Variants in L3MBTL4 observed in about 807,000 individuals in gnomAD.
L3MBTL4 encodes lethal(3)malignant brain tumor-like protein 4.
L3MBTL4 carries 70 observed loss-of-function variants against 84.5 expected under a neutral mutation model. That is an observed-to-expected ratio of 0.83 (90% CI 0.68 to 1.01). The LOEUF is 1.01. Ranked by LOEUF, L3MBTL4 falls within the 50% of genes least tolerant of loss-of-function variation. L3MBTL4 has a pLI of 0.00. For synonymous variants in L3MBTL4, 274 were observed against 259.8 expected (o/e 1.05, Z -0.52); for missense variants, 715 against 754.8 (o/e 0.95, Z 0.62).
chr18:6,130,823 C>T (rs558657731), intron 14 of L3MBTL4, among the ~76,000 whole-genome samples: 1 of 150,766 alleles, frequency 6.6e-6, no homozygotes, highest in South Asian at 2.1e-4. Flanking sequence ...TATGTAAATT[C>T]ATGCAAATAA....
chr18:5,972,535 G>C (rs1410656327), intron 16 of L3MBTL4, among the ~76,000 whole-genome samples: 1 of 152,182 alleles, frequency 6.6e-6, no homozygotes, highest in Non-Finnish European at 1.5e-5. Flanking sequence ...AACCTCTTGA[G>C]GTCAGGATTG....
chr18:6,213,984 A>T (rs588046), intron 11 of L3MBTL4, among the ~76,000 whole-genome samples: 1,668 of 152,336 alleles, frequency 0.011, 10 homozygotes, highest in Non-Finnish European at 0.018. Flanking sequence ...TTCAAACTGT[A>T]TGGCACAGAA....
At chr18:6,397,737 C>T (rs771528460) in intron 1 of L3MBTL4, 4 of 152,168 alleles carry the variant, frequency 2.6e-5, no homozygotes, top group Non-Finnish European at 2.9e-5. Flanking sequence ...GCACCTACAG[C>T]TCTAGCTACT....
At position 5,958,130 on chromosome 18, in the gene L3MBTL4, A is replaced by AAGAAGAAAAAG. The variant is rs1555616536; in HGVS notation, c.1678-1744_1678-1743insCTTTTTCTTCT. Among the ~76,000 whole-genome samples the AAGAAGAAAAAG allele has an allele frequency of 8.2e-4, 26 of 31,844 alleles. 1 individual carries two copies. The highest frequency in any genetic ancestry group is 0.027 in the Middle Eastern group (2 of 74). 20.9% of individuals were successfully genotyped at this position (31,844 alleles called of 152,430 possible). A position where few individuals can be genotyped will look rare whatever the true frequency, so the allele number is the denominator to read the frequency against. ...AGAAGAAGAAGAAGAAGAAGAAGAA[A>AAGAAGAAAAAG]AAGAAGAAGAAGAAGAAGAAGAAGA... is the stretch of plus-strand genomic sequence containing the variant. On this transcript the variant is annotated intron_variant, in intron 18 of 18. Coordinates refer to ENST00000317931, the MANE Select transcript of L3MBTL4 (RefSeq NM_001330559.2).
At chr18:6,091,538 CT>C (rs1336725991) in intron 15 of L3MBTL4, among the ~76,000 whole-genome samples, 1 of 152,212 alleles carries the variant, frequency 6.6e-6, no homozygotes, top group Non-Finnish European at 1.5e-5. Flanking sequence ...AACTAACATT[CT>C]CGACTCCTTC....
chr18:6,363,415 G>A (rs939440409), intron 1 of L3MBTL4, among the ~76,000 whole-genome samples: 1 of 152,082 alleles, frequency 6.6e-6, no homozygotes, highest in Non-Finnish European at 1.5e-5. Context: ...AATGTTATGA[G>A]AGTTGACAGG....
intron 16 of L3MBTL4, among the ~76,000 whole-genome samples, chr18:6,040,255 T>C (rs1241562606): frequency 2.6e-5 from 4 of 152,194 alleles, no homozygotes; most frequent in Non-Finnish European, 5.9e-5. Context: ...AAACCAGTGG[T>C]CTTTCAACCA....
At chr18:6,182,073 A>G (rs34236331) in intron 12 of L3MBTL4, among the ~76,000 whole-genome samples, 6,188 of 152,300 alleles carry the variant, frequency 0.041, 222 homozygotes, top group East Asian at 0.2. Context: ...AGAAATTGCT[A>G]CACTGCTTTC....
chr18:6,302,065 C>A, intron 3 of L3MBTL4, 108 bp from the exon 4 acceptor site: 3 of 917,240 alleles, frequency 3.3e-6, no homozygotes, highest in Non-Finnish European at 3.7e-6. Context: ...ATCCTCGTCA[C>A]TGAGGCGGAC....
At chr18:6,234,143 T>C (rs1156895595) in intron 10 of L3MBTL4, among the ~76,000 whole-genome samples, 1 of 152,132 alleles carries the variant, frequency 6.6e-6, no homozygotes, top group Admixed American at 6.5e-5. Context: ...ATCCCTTCCT[T>C]ACCCCTTACA....
chr18:6,107,712 T>G (rs1418122844), intron 14 of L3MBTL4, among the ~76,000 whole-genome samples: 1 of 151,990 alleles, frequency 6.6e-6, no homozygotes, highest in Non-Finnish European at 1.5e-5. Context: ...AATTCTGGAT[T>G]CATTCTGCAG....
chr18:6,171,809 C>A lies in L3MBTL4; in HGVS notation c.1096+19G>T. The A allele has an allele frequency of 7.1e-7, 1 of 1,417,660 alleles. No homozygotes were observed. The highest frequency in any genetic ancestry group is 9.6e-7 in the Non-Finnish European group (1 of 1,036,632). The allele number at this position is 1,417,660 out of a possible 1,614,324, so 87.8% of individuals were successfully genotyped here. On this transcript the variant is annotated intron_variant, in intron 13 of 18. Transcript: ENST00000317931. ...AGGCCAAGTATTTAAAAAGCAACAA[C>A]AAAGAGCAAAGTACTCACGCTGTGG...
intron 4 of L3MBTL4, among the ~76,000 whole-genome samples, chr18:6,275,064 C>G (rs2049023729): frequency 6.6e-6 from 1 of 152,028 alleles, no homozygotes; most frequent in African/African-American, 2.4e-5. Context: ...TAGGAGGAAC[C>G]CTCTAGAGAC....
At chr18:6,246,679 G>A (rs1224854980) in intron 5 of L3MBTL4, among the ~76,000 whole-genome samples, 1 of 152,342 alleles carries the variant, frequency 6.6e-6, no homozygotes, top group African/African-American at 2.4e-5. Flanking sequence ...CAAGGCAGGT[G>A]GATCGTCTGA....
chr18:6,385,284 C>A (rs1165661705), intron 1 of L3MBTL4, among the ~76,000 whole-genome samples: 1 of 152,074 alleles, frequency 6.6e-6, no homozygotes, highest in Admixed American at 6.5e-5. Context: ...TGCCTGTAGT[C>A]CCAGCTACTC....
At chr18:6,041,215 G>A (rs1212894636) in intron 16 of L3MBTL4, among the ~76,000 whole-genome samples, 1 of 152,224 alleles carries the variant, frequency 6.6e-6, no homozygotes, top group Non-Finnish European at 1.5e-5. Flanking sequence ...GTGGAACCAG[G>A]AGATCCCTGC....
At position 5,955,561 on chromosome 18, in the gene L3MBTL4, C is replaced by T. The variant is rs1401771427; in HGVS notation, c.*659G>A. The T allele has an allele frequency of 6.6e-6, 1 of 152,218 alleles. No homozygotes were observed. The highest frequency in any genetic ancestry group is 1.5e-5 in the Non-Finnish European group (1 of 68,054). The allele number at this position is 152,218 out of a possible 1,614,324, so 9.4% of individuals were successfully genotyped here. The stretch of plus-strand genomic sequence containing the variant: ...CCCACCTGACCGTCCTCTCATTACT[C>T]CTGGCTACTCTCCTTTGTGGAGGCT... On this transcript the variant is annotated 3_prime_UTR_variant, in exon 19 of 19. Transcript: ENST00000317931.
chr18:6,043,727 A>C (rs2056501061), intron 16 of L3MBTL4, among the ~76,000 whole-genome samples: 1 of 152,208 alleles, frequency 6.6e-6, no homozygotes, highest in African/African-American at 2.4e-5. Flanking sequence ...CCAATGCCTA[A>C]CACAGTACTT....
At chr18:6,019,305 T>C (rs1175514503) in intron 16 of L3MBTL4, among the ~76,000 whole-genome samples, 3 of 152,190 alleles carry the variant, frequency 2.0e-5, no homozygotes, top group Admixed American at 6.5e-5. Flanking sequence ...AATAATTCCC[T>C]AAGTTGTGGT....
Sources: gnomAD v4.1 joint callset for allele counts (sites outside exome capture counted in the v4.1 genomes callset) on GRCh38, gnomAD v4.1.1 for gene constraint, MANE v1.5 for transcripts, NCBI Gene and HGNC (gene_info 2026-07-23, HGNC 2026-07-21) for gene names.